The following ARMS2 variants were observed in gnomAD, a reference collection of about 807,000 sequenced individuals.
ARMS2 encodes the protein age-related maculopathy susceptibility protein 2.
A neutral mutation model predicts 6.0 loss-of-function variants in ARMS2; 4 were observed. The ratio of observed to expected loss-of-function variants is 0.67; its 90% CI spans 0.33 to 1.53. The LOEUF (loss-of-function observed/expected upper bound fraction) is 1.53, where lower values mean the gene tolerates loss of function less well. Ranked by LOEUF, ARMS2 falls within the 40% of genes most tolerant of loss-of-function variation. The pLI, the probability that ARMS2 is intolerant of heterozygous loss-of-function variation, is 0.06. For missense variants in ARMS2, 99 were observed against 127.6 expected, an observed-to-expected ratio of 0.78 and a Z score of 1.08; for synonymous variants, 49 against 51.7, an observed-to-expected ratio of 0.95 and a Z score of 0.22.
Position 122,457,078 on chromosome 10 carries a change from A to G in ARMS2, c.*145A>G, listed in dbSNP as rs1204033622. On this transcript the variant is annotated 3_prime_UTR_variant, in exon 2 of 2. Coordinates refer to ENST00000528446, the MANE Select transcript of ARMS2 (RefSeq NM_001099667.3). Reference sequence around the variant, plus strand: ...TCCAGCTGCCTCAACTGTCCACAGGACTCTCTTCCCACCTGCGGCCACACT... The same window carrying G: ...TCCAGCTGCCTCAACTGTCCACAGGGCTCTCTTCCCACCTGCGGCCACACT... The G allele has an allele frequency of 9.3e-7, 1 of 1,072,996 alleles. No homozygotes were observed. The highest frequency in any genetic ancestry group is 2.6e-5 in the East Asian group (1 of 37,746). The allele number at this position is 1,072,996 out of a possible 1,614,324, so 66.5% of individuals were successfully genotyped here. A position where few individuals can be genotyped will look rare whatever the true frequency, so the allele number is the denominator to read the frequency against.
At position 122,454,761 on chromosome 10, in the gene ARMS2, G is replaced by A. The variant is rs2097475821; in HGVS notation, c.34G>A (p.Glu12Lys). 6.2e-7 allele frequency: 1 copy of A among 1,613,842 alleles called. No homozygotes were observed. Among genetic ancestry groups the A allele is most frequent in the African/African-American group, 1.3e-5 (1 of 74,914 alleles). The stretch of plus-strand genomic sequence containing the variant: ...CCTATACCCAGGACCGATGGTAACT[G>A]AGGCGGAGGGGAAAGGAGGGCCTGA... ...LRLYPGPMVT[E>K]AEGKGGPEMA... is the part of the protein sequence containing the mutation. The change falls in exon 1 of 2, where the codon GAG becomes AAG. Residue 12 changes from glutamate (E) to lysine (K), a missense_variant. Physicochemically the swap from Glu to Lys is moderately conservative, Grantham distance 56 (BLOSUM62 1). Transcript: ENST00000528446.
In ARMS2 at chr10:122,454,751, G is replaced by T; in HGVS notation, c.24G>T (p.Pro8=). 6.2e-7 allele frequency: 1 copy of T among 1,613,914 alleles called. No individual in the cohort carries two copies. The highest frequency in any genetic ancestry group is 8.5e-7 in the Non-Finnish European group (1 of 1,179,860). ...ACATGCTGCGCCTATACCCAGGACC[G>T]ATGGTAACTGAGGCGGAGGGGAAAG... is the stretch of plus-strand genomic sequence containing the variant. The part of the protein sequence containing the change: MLRLYPG[P]MVTEAEGKGG... Residue 8 remains proline (P), a synonymous_variant, in exon 1 of 2, where the codon CCG becomes CCT. Coordinates refer to ENST00000528446, the MANE Select transcript of ARMS2 (RefSeq NM_001099667.3).
chr10:122,457,308 A>ATTAAT lies in ARMS2; in HGVS notation c.*376_*377insTAATT, dbSNP rs1425581350. The ATTAAT allele has an allele frequency of 0.1, 18,291 of 178,170 alleles. 1,547 individuals carry two copies. Among genetic ancestry groups the ATTAAT allele is most frequent in the East Asian group, 0.2 (1,239 of 6,284 alleles). The allele number at this position is 178,170 out of a possible 1,614,324, so 11.0% of individuals were successfully genotyped here. On this transcript the variant is annotated 3_prime_UTR_variant, in exon 2 of 2. Coordinates refer to ENST00000528446, the MANE Select transcript of ARMS2 (RefSeq NM_001099667.3). The stretch of plus-strand genomic sequence containing the variant: ...CTTGCCCTCCTTTCTCTCCCGGGTG[A>ATTAAT]TAGGCATTAACTAAAATTAAATAAA...
intron 1 of ARMS2, 87 bp downstream of exon 1, chr10:122,455,111 G>T: frequency 1.3e-6 from 1 of 741,922 alleles, no homozygotes. Flanking sequence ...ATTTTAACCA[G>T]CCTTCAGGTG....
chr10:122,456,858 C>T (rs554991740), intron 1 of ARMS2, 49 bp from the exon 2 acceptor site: 4 of 1,488,940 alleles, frequency 2.7e-6, no homozygotes, highest in Admixed American at 2.2e-5. Context: ...CCTAAAATAT[C>T]GTCATGTGTC....
chr10:122,455,133 T>C, intron 1 of ARMS2, 109 bp downstream of exon 1: 1 of 660,794 alleles, frequency 1.5e-6, no homozygotes, highest in South Asian at 1.9e-5. Context: ...TTCTGATGCA[T>C]GCTCAGGTTT....
intron 1 of ARMS2, among the ~76,000 whole-genome samples, chr10:122,456,106 T>C (rs57433620): frequency 0.021 from 3,153 of 152,184 alleles, 103 homozygotes; most frequent in African/African-American, 0.07. Flanking sequence ...ATCTGAATTA[T>C]AGATCTTAAC....
At position 122,456,894 on chromosome 10, in the gene ARMS2, AT is replaced by A. The variant is rs369018824; in HGVS notation, c.298-4del. On this transcript the variant is annotated splice_polypyrimidine_tract_variant and intron_variant, in intron 1 of 1. Coordinates refer to ENST00000528446, the MANE Select transcript of ARMS2 (RefSeq NM_001099667.3). ...TTTAAAAATGCATATTACTAAATCT[AT>A]TTTTTTTTCAGTCTATCATCCACAC... 7.4e-4 allele frequency: 1,123 copies of A among 1,510,532 alleles called. 3 individuals are homozygous for A. The African/African-American group carries it at 0.014, about 18-fold the overall frequency. 93.6% of individuals were successfully genotyped at this position (1,510,532 alleles called of 1,614,324 possible).
Position 122,454,807 on chromosome 10 carries a change from CGG to C in ARMS2, c.81_82del (p.Val28GlyfsTer25). 1 of 1,613,984 alleles carries C rather than the reference CGG, an allele frequency of 6.2e-7. No homozygotes were observed. Among genetic ancestry groups the C allele is most frequent in the Non-Finnish European group, 8.5e-7 (1 of 1,179,888 alleles). ...CCTGAGATGGCAAGTCTGTCCTCCT[CGG>C]TGGTTCCTGTGTCCTTCATTTCCAC... On this transcript the variant is annotated frameshift_variant, in exon 1 of 2. Coordinates refer to ENST00000528446, the MANE Select transcript of ARMS2 (RefSeq NM_001099667.3). LOFTEE classifies it high-confidence loss of function.
intron 1 of ARMS2, among the ~76,000 whole-genome samples, chr10:122,455,869 G>A (rs2097476728): frequency 6.6e-6 from 1 of 152,034 alleles, no homozygotes; most frequent in Non-Finnish European, 1.5e-5. Context: ...CTGCTCCCGA[G>A]TGACAGAAAT....
At chr10:122,455,737 CTTAAT>C (rs1288244507) in intron 1 of ARMS2, among the ~76,000 whole-genome samples, 1 of 152,112 alleles carries the variant, frequency 6.6e-6, no homozygotes, top group Non-Finnish European at 1.5e-5. Flanking sequence ...CCTTCCCTCT[CTTAAT>C]TTTTGTTTTT....
At chr10:122,455,591 T>G (rs1397736753) in intron 1 of ARMS2, among the ~76,000 whole-genome samples, 1 of 152,154 alleles carries the variant, frequency 6.6e-6, no homozygotes, top group Non-Finnish European at 1.5e-5. Context: ...GGTTTAAAAT[T>G]TAGACATCAA....
In ARMS2 at chr10:122,457,126, C is replaced by A; in HGVS notation, c.*193C>A. On this transcript the variant is annotated 3_prime_UTR_variant, in exon 2 of 2. Coordinates refer to ENST00000528446, the MANE Select transcript of ARMS2 (RefSeq NM_001099667.3). ...ACTGTGCAACCTGGAATTTCCCCACCTGGGCGGACTCATCACGTCATCACC... is the reference window on the plus strand; with the variant it reads ...ACTGTGCAACCTGGAATTTCCCCACATGGGCGGACTCATCACGTCATCACC... 1 of 640,176 alleles carries A rather than the reference C, an allele frequency of 1.6e-6. No individual in the cohort carries two copies. Among genetic ancestry groups the A allele is most frequent in the South Asian group, 2.1e-5 (1 of 47,280 alleles). 39.7% of individuals were successfully genotyped at this position (640,176 alleles called of 1,614,324 possible). A position where few individuals can be genotyped will look rare whatever the true frequency, so the allele number is the denominator to read the frequency against.
rs770576283 is a variant in ARMS2, at chr10:122,454,950, C to A, written c.223C>A (p.Leu75Ile). The change falls in exon 1 of 2, where the codon CTC becomes ATC. Residue 75 changes from leucine (L) to isoleucine (I), a missense_variant. Physicochemically the swap from Leu to Ile is conservative, Grantham distance 5. Transcript: ENST00000528446. ...MIPAAKIHTELCLPAFFSPAG... is the reference protein window; with the variant it reads ...MIPAAKIHTEICLPAFFSPAG... The stretch of plus-strand genomic sequence containing the variant: ...CCCAGCTGCTAAAATCCACACTGAG[C>A]TCTGCTTACCAGCCTTCTTCTCTCC... 1 of 1,613,932 alleles carries A rather than the reference C, an allele frequency of 6.2e-7. No individual in the cohort carries two copies. Among genetic ancestry groups the A allele is most frequent in the Non-Finnish European group, 8.5e-7 (1 of 1,179,840 alleles).
In ARMS2 at chr10:122,456,992, A is replaced by T. The variant is rs7912143; in HGVS notation, c.*59A>T. The T allele has an allele frequency of 6.5e-7, 1 of 1,550,024 alleles. No individual in the cohort carries two copies. Among genetic ancestry groups the T allele is most frequent in the Non-Finnish European group, 8.7e-7 (1 of 1,146,364 alleles). On this transcript the variant is annotated 3_prime_UTR_variant, in exon 2 of 2. Transcript: ENST00000528446. The stretch of plus-strand genomic sequence containing the variant: ...GGAGCTTCTCATCAGCATCAATGTG[A>T]AGCCAAAAATCCTTAGGAGGACAGA...
At chr10:122,456,881 T>C (rs36213074) in intron 1 of ARMS2, 26 bp from the exon 2 acceptor site, 178,245 of 1,545,522 alleles carry the variant, frequency 0.12, 11,478 homozygotes, top group Middle Eastern at 0.18. Flanking sequence ...TAAAAATGCA[T>C]ATTACTAAAT....
chr10:122,456,081 CTAAAT>C (rs1003106300), intron 1 of ARMS2, among the ~76,000 whole-genome samples: 1 of 151,836 alleles, frequency 6.6e-6, no homozygotes, highest in Admixed American at 6.6e-5. Flanking sequence ...AAGGGTTCGC[CTAAAT>C]TAATAAAAGA....
rs1362665793 is a variant in ARMS2 at position 122,454,688 on chromosome 10, G to T, written c.-40G>T. On this transcript the variant is annotated 5_prime_UTR_variant, in exon 1 of 2. Coordinates refer to ENST00000528446, the MANE Select transcript of ARMS2 (RefSeq NM_001099667.3). ...GAGATGGCAGCTGGCTTGGCAAGGGGACAGCACCTTTGTCACCACATTATG... is the reference window on the plus strand; with the variant it reads ...GAGATGGCAGCTGGCTTGGCAAGGGTACAGCACCTTTGTCACCACATTATG... 1 of 1,597,238 alleles carries T rather than the reference G, an allele frequency of 6.3e-7. No individual in the cohort carries two copies. The highest frequency in any genetic ancestry group is 8.6e-7 in the Non-Finnish European group (1 of 1,168,526).
chr10:122,456,296 A>T (rs11200636), intron 1 of ARMS2, among the ~76,000 whole-genome samples: 8 of 148,338 alleles, frequency 5.4e-5, no homozygotes, highest in African/African-American at 2.0e-4. Context: ...AAAACAAAAA[A>T]CAAAAAAAAA....
Sources: allele counts gnomAD v4.1 joint callset (sites outside exome capture counted in the v4.1 genomes callset), GRCh38; gene constraint gnomAD v4.1.1; transcripts MANE v1.5; gene names NCBI Gene and HGNC (gene_info 2026-07-23, HGNC 2026-07-21).